Variants in HPS1 observed in about 807,000 individuals in gnomAD.
The protein encoded by HPS1 is BLOC-3 complex member HPS1.
In HPS1, 59 loss-of-function variants were observed where a neutral mutation model predicts 90.6. The ratio of observed to expected loss-of-function variants is 0.65; its 90% CI spans 0.53 to 0.81. HPS1 has a LOEUF of 0.81. Ranked by LOEUF, HPS1 falls within the 30% of genes least tolerant of loss-of-function variation. The pLI is 0.00. For missense variants in HPS1, 849 were observed against 896.7 expected (o/e 0.95, Z 0.68); for synonymous variants, 388 against 384.4 (o/e 1.01, Z -0.11).
At chr10:98,419,993 G>C (rs937854643) in intron 18 of HPS1, 52 bp downstream of exon 18, 13 of 1,070,754 alleles carry the variant, frequency 1.2e-5, no homozygotes, top group Non-Finnish European at 1.5e-5. Context: ...AAGAGTTACA[G>C]AGCGGGAAGT....
intron 17 of HPS1, among the ~76,000 whole-genome samples, chr10:98,420,574 G>A (rs1254043841): frequency 1.3e-5 from 2 of 151,984 alleles, no homozygotes; most frequent in Non-Finnish European, 2.9e-5. Context: ...TAATTAGCCG[G>A]GTGTGGTAGC....
intron 13 of HPS1, 94 bp from the exon 14 acceptor site, chr10:98,424,468 C>T: frequency 9.3e-7 from 1 of 1,080,102 alleles, no homozygotes; most frequent in South Asian, 1.3e-5. Context: ...TGAGAGGGCA[C>T]AGGGCCCCCA....
rs200573934 is a variant in HPS1 at position 98,421,979 on chromosome 10, G to GACACACACACACACACAC, written c.1743+372_1743+389dup. Among the ~76,000 whole-genome samples, 551 of 140,020 alleles carry GACACACACACACACACAC rather than the reference G, an allele frequency of 3.9e-3. 3 individuals carry two copies. The highest frequency in any genetic ancestry group is 5.1e-3 in the Non-Finnish European group (320 of 62,300). 91.9% of individuals were successfully genotyped at this position (140,020 alleles called of 152,430 possible). ...AGAAAGAAAAGAACACACACACACA[G>GACACACACACACACACAC]ACACACACACACACACACACACACA... On this transcript the variant is annotated intron_variant, in intron 17 of 19. Coordinates refer to ENST00000361490, the MANE Select transcript of HPS1 (RefSeq NM_000195.5).
At chr10:98,428,922 A>G (rs1845976974) in intron 10 of HPS1, among the ~76,000 whole-genome samples, 1 of 151,216 alleles carries the variant, frequency 6.6e-6, no homozygotes, top group African/African-American at 2.4e-5. Context: ...GCTCACTGCA[A>G]CCTCCACCTC....
chr10:98,434,746 T>C (rs1361060971), intron 5 of HPS1, among the ~76,000 whole-genome samples: 1 of 152,142 alleles, frequency 6.6e-6, no homozygotes, highest in African/African-American at 2.4e-5. Context: ...AAGCCTTTTC[T>C]GGGGTCCCTC....
chr10:98,443,770 C>T (rs772545091), intron 2 of HPS1, among the ~76,000 whole-genome samples: 12 of 152,288 alleles, frequency 7.9e-5, no homozygotes, highest in Admixed American at 3.3e-4. Flanking sequence ...CGGTGGCTCA[C>T]GCCTGTAATC....
intron 7 of HPS1, 114 bp from the exon 8 acceptor site, chr10:98,430,784 G>A (rs1004764771): frequency 1.4e-4 from 114 of 826,530 alleles, no homozygotes; most frequent in Non-Finnish European, 2.1e-4. Context: ...TGTACTTCTG[G>A]AGATGGGCAA....
At chr10:98,441,584 C>T (rs1348884934) in intron 3 of HPS1, among the ~76,000 whole-genome samples, 1 of 152,122 alleles carries the variant, frequency 6.6e-6, no homozygotes, top group Non-Finnish European at 1.5e-5. Context: ...AAGCCACAAA[C>T]TGAAAGAAAA....
Position 98,417,353 on chromosome 10 carries a change from T to C in HPS1, c.*211A>G, listed in dbSNP as rs1469247662. The C allele has an allele frequency of 5.7e-6, 3 of 524,204 alleles. No homozygotes were observed. In the East Asian group the frequency reaches 9.3e-5, roughly 16 times the overall value. The allele number at this position is 524,204 out of a possible 1,614,324, so 32.5% of individuals were successfully genotyped here. ...TACAAACAGGACCCCTGGGCTTCCC[T>C]CTTCCTCCAGAGAGAAGGATCTGGG... On this transcript the variant is annotated 3_prime_UTR_variant, in exon 20 of 20. Coordinates refer to ENST00000361490, the MANE Select transcript of HPS1 (RefSeq NM_000195.5). This position sits in a 1 kb window ranked among gnomAD's most constrained non-coding sequence, Gnocchi z 4.2.
chr10:98,431,269 G>A lies in HPS1; in HGVS notation c.530C>T (p.Pro177Leu). The A allele has an allele frequency of 6.2e-7, 1 of 1,613,832 alleles. No individual in the cohort carries two copies. The highest frequency in any genetic ancestry group is 2.2e-5 in the East Asian group (1 of 44,874). ...CTCTATGCACAGCTCACAGAGCTGG[G>A]GGTGAATCAGTCGCTCCAGGGCCTA... is the stretch of plus-strand genomic sequence containing the variant. ...AVEALERLIHPQLCELCIEAL... is the reference protein window; with the variant it reads ...AVEALERLIHLQLCELCIEAL... The change falls in exon 7 of 20, where the codon CCC becomes CTC. Residue 177 changes from proline to leucine, a missense_variant. Physicochemically the swap from Pro to Leu is moderately conservative, Grantham distance 98. Transcript: ENST00000361490.
chr10:98,429,975 GCCTCCACC>G (rs576921326), intron 8 of HPS1, 86 bp from the exon 9 acceptor site: 5 of 1,234,924 alleles, frequency 4.0e-6, no homozygotes, highest in East Asian at 2.4e-5. Context: ...TCACAGAGAA[GCCTCCACC>G]CCTCCACCCC....
intron 11 of HPS1, chr10:98,426,240 C>G (rs552076544): frequency 3.9e-6 from 2 of 516,918 alleles, no homozygotes. Context: ...GGCAGAGGGG[C>G]TGGGTGGTGG....
At position 98,417,703 on chromosome 10, in the gene HPS1, TTGCTGTAG is replaced by T. The variant is rs1844279200; in HGVS notation, c.1956_1963del (p.Tyr652Ter). On this transcript the variant is annotated stop_gained and frameshift_variant, in exon 20 of 20. Coordinates refer to ENST00000361490, the MANE Select transcript of HPS1 (RefSeq NM_000195.5). LOFTEE classifies it high-confidence loss of function. This position sits in a 1 kb window ranked among gnomAD's most constrained non-coding sequence, Gnocchi z 4.2. ...CCTGACAGCCTCGGTTGGGCGGTTCTTGCTGTAGTAGCGCAGGAGCTTCCTGGGGAGGA... is the reference window on the plus strand; with the variant it reads ...CCTGACAGCCTCGGTTGGGCGGTTCTTAGCGCAGGAGCTTCCTGGGGAGGA... 5 of 1,613,894 alleles carry T rather than the reference TTGCTGTAG, an allele frequency of 3.1e-6. No homozygotes were observed. Among genetic ancestry groups the T allele is most frequent in the Non-Finnish European group, 4.2e-6 (5 of 1,179,948 alleles).
At chr10:98,438,480 AGCATTTT>A (rs1369046385) in intron 3 of HPS1, among the ~76,000 whole-genome samples, 9 of 152,238 alleles carry the variant, frequency 5.9e-5, no homozygotes, top group Non-Finnish European at 1.0e-4. Flanking sequence ...AGAGACCGGC[AGCATTTT>A]GCCCCTGCCC....
rs1001164471 is a variant in HPS1 at position 98,435,904 on chromosome 10, G to A, written c.118-132C>T. On this transcript the variant is annotated intron_variant, in intron 3 of 19. Coordinates refer to ENST00000361490, the MANE Select transcript of HPS1 (RefSeq NM_000195.5). This position sits in a 1 kb window ranked among gnomAD's most constrained non-coding sequence, Gnocchi z 4.3. ...CTCCTGGGAGGGTATCACTGTCCTG[G>A]TAGGGAGGGGAGCAAAAAGAGACTG... The A allele has an allele frequency of 6.2e-5, 70 of 1,135,334 alleles. No homozygotes were observed. Among genetic ancestry groups the A allele is most frequent in the South Asian group, 3.8e-4 (26 of 69,202 alleles). 70.3% of individuals were successfully genotyped at this position (1,135,334 alleles called of 1,614,324 possible).
chr10:98,415,296 C>A, downstream of HPS1: 1 of 987,090 alleles, frequency 1.0e-6, no homozygotes, highest in Non-Finnish European at 1.4e-6. Flanking sequence ...AGGCCAGCCT[C>A]CTGCTGCCCT....
At chr10:98,444,094 C>G (rs1039151646) in intron 2 of HPS1, among the ~76,000 whole-genome samples, 1 of 152,048 alleles carries the variant, frequency 6.6e-6, no homozygotes, top group Non-Finnish European at 1.5e-5. Flanking sequence ...AGATGAGCCT[C>G]AAAGCCCCTG....
intron 3 of HPS1, among the ~76,000 whole-genome samples, chr10:98,439,773 T>C (rs1022068107): frequency 3.3e-5 from 5 of 152,180 alleles, no homozygotes; most frequent in African/African-American, 1.2e-4. Flanking sequence ...GGGAGGGTCC[T>C]GGGGCAGAAT....
rs1847174036 is a variant in HPS1, at chr10:98,435,402, G to C, written c.268C>G (p.Leu90Val). ...LYVLHLFGECLFIAINGDHTE... is the reference protein window; with the variant it reads ...LYVLHLFGECVFIAINGDHTE... ...TGGTCACCATTGATGGCAATGAACAGGCATTCTCCAAACTGCAGGCACAGG... is the reference window on the plus strand; with the variant it reads ...TGGTCACCATTGATGGCAATGAACACGCATTCTCCAAACTGCAGGCACAGG... Residue 90 changes from leucine to valine, a missense_variant, in exon 5 of 20, where the codon CTG becomes GTG. Leu to Val is a conservative substitution (Grantham distance 32). Transcript: ENST00000361490. This position sits in a 1 kb window ranked among gnomAD's most constrained non-coding sequence, Gnocchi z 4.3. The C allele has an allele frequency of 3.1e-6, 5 of 1,613,804 alleles. 1 individual carries two copies. In the South Asian group the frequency reaches 5.5e-5, roughly 18 times the overall value.
Sources: allele counts gnomAD v4.1 joint callset (sites outside exome capture counted in the v4.1 genomes callset), GRCh38; gene constraint gnomAD v4.1.1; non-coding constraint Gnocchi (gnomAD v3.1); transcripts MANE v1.5; gene names NCBI Gene and HGNC (gene_info 2026-07-23, HGNC 2026-07-21).